Variants in PELP1 observed in about 807,000 individuals in gnomAD.
PELP1 encodes proline-, glutamic acid- and leucine-rich protein 1.
Under a neutral mutation model 95.5 loss-of-function variants are expected in PELP1, and 32 were observed. That is an observed-to-expected ratio of 0.34 (90% CI 0.25 to 0.45). PELP1 has a LOEUF of 0.45. Ranked by LOEUF, PELP1 falls within the 20% of genes least tolerant of loss-of-function variation. The pLI is 1.00. For synonymous variants in PELP1, 668 were observed against 600.1 expected, an observed-to-expected ratio of 1.11 and a Z score of -1.65; for missense variants, 1,358 against 1,444.8, an observed-to-expected ratio of 0.94 and a Z score of 0.97.
chr17:4,698,569 G>A (rs1442762317), intron 1 of PELP1, among the ~76,000 whole-genome samples: 1 of 151,026 alleles, frequency 6.6e-6, no homozygotes, highest in East Asian at 1.9e-4. Context: ...TTAAACCCAG[G>A]GGGCGGAGGT....
Position 4,675,932 on chromosome 17 carries a change from T to G in PELP1, c.981-48A>C. Reference sequence around the variant, plus strand: ...GACCTTCAGAGCAGGCTCCCTGGCATAACTCCCACACCCACCTTCATCTCC... The same window carrying G: ...GACCTTCAGAGCAGGCTCCCTGGCAGAACTCCCACACCCACCTTCATCTCC... On this transcript the variant is annotated intron_variant, in intron 8 of 16. Transcript: ENST00000572293. This position sits in a 1 kb window ranked among gnomAD's most constrained non-coding sequence, Gnocchi z 4.3. 19 of 1,585,074 alleles carry G rather than the reference T, an allele frequency of 1.2e-5. No individual in the cohort carries two copies. The highest frequency in any genetic ancestry group is 1.6e-5 in the Non-Finnish European group (19 of 1,162,182).
At chr17:4,692,994 G>A (rs1913169699) in intron 1 of PELP1, among the ~76,000 whole-genome samples, 1 of 152,062 alleles carries the variant, frequency 6.6e-6, no homozygotes, top group Non-Finnish European at 1.5e-5. Context: ...TGGGCAACAA[G>A]AGCAAAACTC....
chr17:4,672,261 A>AAAGTCTTCCTCC lies in PELP1; in HGVS notation c.2718_2729dup (p.Asp909_Phe910insLeuGluGluAsp), dbSNP rs1912242963. 1 of 1,551,292 alleles carries AAAGTCTTCCTCC rather than the reference A, an allele frequency of 6.4e-7. No homozygotes were observed. The highest frequency in any genetic ancestry group is 2.0e-5 in the Admixed American group (1 of 51,010). ...CCTCTTCATCCTCTTCCTCTTCCTC[A>AAAGTCTTCCTCC]AAGTCTTCCTCCTCTTCCTCTTCTT... On this transcript the variant is annotated inframe_insertion, in exon 16 of 17. Coordinates refer to ENST00000572293, the MANE Select transcript of PELP1 (RefSeq NM_014389.3).
At chr17:4,702,483 AACTG>A (rs1434863263) in intron 1 of PELP1, among the ~76,000 whole-genome samples, 2 of 152,214 alleles carry the variant, frequency 1.3e-5, no homozygotes, top group African/African-American at 4.8e-5. Flanking sequence ...ACTGTAATAT[AACTG>A]ACTGATGAAA....
intron 3 of PELP1, among the ~76,000 whole-genome samples, chr17:4,685,015 T>G (rs896408086): frequency 6.6e-6 from 1 of 152,114 alleles, no homozygotes; most frequent in Non-Finnish European, 1.5e-5. Flanking sequence ...GAGCCCATAC[T>G]TCACTTGCCA....
At chr17:4,691,085 A>G in intron 2 of PELP1, 92 bp from the exon 3 acceptor site, 1 of 898,224 alleles carries the variant, frequency 1.1e-6, no homozygotes, top group Non-Finnish European at 1.8e-6. Flanking sequence ...CTACAGCAAG[A>G]CTTCATCCCC....
At position 4,676,936 on chromosome 17, in the gene PELP1, C is replaced by T. The variant is rs1049279137; in HGVS notation, c.643-124G>A. On this transcript the variant is annotated intron_variant, in intron 5 of 16. Coordinates refer to ENST00000572293, the MANE Select transcript of PELP1 (RefSeq NM_014389.3). ...CTCTTTTTCCTGTAGACACAAGAAG[C>T]AAAGCCCTCTATGGGGCATCAACAC... 5.1e-5 allele frequency: 36 copies of T among 701,918 alleles called. 1 individual carries two copies. The highest frequency in any genetic ancestry group is 4.7e-4 in the South Asian group (26 of 55,398). 43.5% of individuals were successfully genotyped at this position (701,918 alleles called of 1,614,324 possible).
chr17:4,671,087 A>G lies in PELP1; in HGVS notation c.*352T>C, dbSNP rs1912177201. Reference sequence around the variant, plus strand: ...CCACTCACTAGGATGCATTCTCCACACATTTCCCACCCCGAATACAAACAC... The same window carrying G: ...CCACTCACTAGGATGCATTCTCCACGCATTTCCCACCCCGAATACAAACAC... On this transcript the variant is annotated 3_prime_UTR_variant, in exon 17 of 17. Transcript: ENST00000572293. The G allele has an allele frequency of 3.2e-6, 1 of 308,088 alleles. No individual in the cohort carries two copies. Among genetic ancestry groups the G allele is most frequent in the African/African-American group, 2.2e-5 (1 of 46,242 alleles). 19.1% of individuals were successfully genotyped at this position (308,088 alleles called of 1,614,324 possible).
intron 5 of PELP1, among the ~76,000 whole-genome samples, chr17:4,681,988 AC>A (rs777388232): frequency 6.6e-6 from 1 of 151,122 alleles, no homozygotes; most frequent in Non-Finnish European, 1.5e-5. Flanking sequence ...ACATGGCGAG[AC>A]CCCCCTACAA....
At chr17:4,679,043 T>TC (rs897528849) in intron 5 of PELP1, among the ~76,000 whole-genome samples, 3 of 151,880 alleles carry the variant, frequency 2.0e-5, no homozygotes, top group African/African-American at 4.8e-5. Flanking sequence ...TTTTTTTTTT[T>TC]TGAGACAGGG....
intron 3 of PELP1, among the ~76,000 whole-genome samples, chr17:4,685,916 G>A (rs1011371317): frequency 6.6e-6 from 1 of 152,126 alleles, no homozygotes; most frequent in Non-Finnish European, 1.5e-5. Flanking sequence ...GGCCAACATG[G>A]TGAAACCCCG....
intron 3 of PELP1, among the ~76,000 whole-genome samples, chr17:4,685,523 C>T (rs1216887770): frequency 6.6e-6 from 1 of 152,136 alleles, no homozygotes; most frequent in Non-Finnish European, 1.5e-5. Context: ...GGCACGGTAG[C>T]ACCTGCCTGT....
At chr17:4,699,244 T>C (rs1352844885) in intron 1 of PELP1, among the ~76,000 whole-genome samples, 1 of 151,822 alleles carries the variant, frequency 6.6e-6, no homozygotes, top group African/African-American at 2.4e-5. Flanking sequence ...CCGGGCATGG[T>C]GGTGGGCAAC....
In PELP1 at chr17:4,704,135, C is replaced by T; in HGVS notation, c.-24G>A. The T allele has an allele frequency of 6.3e-7, 1 of 1,596,118 alleles. No homozygotes were observed. The highest frequency in any genetic ancestry group is 8.5e-7 in the Non-Finnish European group (1 of 1,175,008). On this transcript the variant is annotated 5_prime_UTR_variant, in exon 1 of 17. Transcript: ENST00000572293. ...ATCTTCCCCCGGGTTCCAGTGGTGG[C>T]GTGGCGCGATGACGCAAACACACCG... is the stretch of plus-strand genomic sequence containing the variant.
intron 5 of PELP1, among the ~76,000 whole-genome samples, chr17:4,678,127 T>C (rs780056219): frequency 7.9e-5 from 12 of 151,426 alleles, no homozygotes; most frequent in Non-Finnish European, 1.5e-4. Context: ...GGCAGGAGAA[T>C]TGCTTGAACC....
rs1047893967 is a variant in PELP1, at chr17:4,675,129, G to A, written c.1224C>T (p.Ser408=). 1 of 1,613,802 alleles carries A rather than the reference G, an allele frequency of 6.2e-7. No homozygotes were observed. The highest frequency in any genetic ancestry group is 8.5e-7 in the Non-Finnish European group (1 of 1,179,898). Residue 408 remains serine, a synonymous_variant, in exon 11 of 17, where the codon TCC becomes TCT. Transcript: ENST00000572293. The surrounding 1 kb of genome is among the most constrained non-coding windows in gnomAD (Gnocchi z 4.3). ...IGRLLPQVLN[S]WSIGRDSLSP... ...AGAGGGAATCTCTACCGATGCTCCA[G>A]GAATTGAGGACCTGGGGAAGCAGGC...
In PELP1 at chr17:4,672,302, C is replaced by T; in HGVS notation, c.2689G>A (p.Glu897Lys). 1 of 1,551,496 alleles carries T rather than the reference C, an allele frequency of 6.4e-7. No individual in the cohort carries two copies. The highest frequency in any genetic ancestry group is 8.7e-7 in the Non-Finnish European group (1 of 1,146,630). The change falls in exon 16 of 17, where the codon GAA becomes AAA. Residue 897 changes from glutamate (E) to lysine (K), a missense_variant. Glu to Lys is a moderately conservative substitution (Grantham distance 56). Coordinates refer to ENST00000572293, the MANE Select transcript of PELP1 (RefSeq NM_014389.3). ...TCCTCTTCTTCCTCTTCTTCTTCTT[C>T]CTCTTCTTCCTCTTCCTCCTCCTCT... Reference protein sequence around the residue: ...DEEEEEEEEEEEEEEEEEEEE... With the variant: ...DEEEEEEEEEKEEEEEEEEEE...
At chr17:4,698,076 A>C (rs1396072298) in intron 1 of PELP1, among the ~76,000 whole-genome samples, 2 of 141,568 alleles carry the variant, frequency 1.4e-5, no homozygotes, top group South Asian at 2.2e-4. Flanking sequence ...GAACTCCTGC[A>C]CTCAGTGATC....
chr17:4,674,175 C>T (rs867728257), intron 13 of PELP1, among the ~76,000 whole-genome samples: 2 of 152,346 alleles, frequency 1.3e-5, no homozygotes, highest in East Asian at 1.9e-4. Flanking sequence ...TGCTGAACGC[C>T]GGAGGAAGCG....
Sources: allele counts gnomAD v4.1 joint callset (sites outside exome capture counted in the v4.1 genomes callset), GRCh38; gene constraint gnomAD v4.1.1; non-coding constraint Gnocchi (gnomAD v3.1); transcripts MANE v1.5; gene names NCBI Gene and HGNC (gene_info 2026-07-23, HGNC 2026-07-21).